Variants in RFNG observed in about 807,000 individuals in gnomAD.
The protein encoded by RFNG is RFNG O-fucosylpeptide 3-beta-N-acetylglucosaminyltransferase.
Under a neutral mutation model 29.6 loss-of-function variants are expected in RFNG, and 37 were observed. That is an observed-to-expected ratio of 1.25 (90% CI 0.96 to 1.65). RFNG has a LOEUF of 1.65. RFNG is among the 40% of genes most tolerant of loss of function. The pLI is 0.00. For synonymous variants in RFNG, 276 were observed against 197.3 expected, an observed-to-expected ratio of 1.40 and a Z score of -3.34; for missense variants, 546 against 457.0, an observed-to-expected ratio of 1.19 and a Z score of -1.78.
chr17:82,050,149 C>G lies in RFNG; in HGVS notation c.574-143G>C, dbSNP rs944370974. The G allele has an allele frequency of 8.4e-6, 7 of 828,768 alleles. No homozygotes were observed. The African/African-American group carries it at 1.2e-4, about 14-fold the overall frequency. 51.3% of individuals were successfully genotyped at this position (828,768 alleles called of 1,614,324 possible). ...AGAAGCTTCTTGGAGCAAAAAGAGC[C>G]GGGGGCTTCTGCAGGCCATTGACCC... On this transcript the variant is annotated intron_variant, in intron 4 of 7. Transcript: ENST00000310496.
chr17:82,048,741 G>C lies in RFNG; in HGVS notation c.981C>G (p.Ala327=). 1.2e-6 allele frequency: 2 copies of C among 1,613,062 alleles called. No homozygotes were observed. Among genetic ancestry groups the C allele is most frequent in the Non-Finnish European group, 1.7e-6 (2 of 1,179,844 alleles). Residue 327 remains alanine, a synonymous_variant, in exon 8 of 8, where the codon GCC becomes GCG. Coordinates refer to ENST00000310496, the MANE Select transcript of RFNG (RefSeq NM_002917.2). ...GTGGTTGGTGTCACCGAGAGGTCGG[G>C]GCGCCCTGTTTCTGCCTGGGACACC... is the stretch of plus-strand genomic sequence containing the variant. ...TDWCPRQKQG[A]PTSR
intron 2 of RFNG, 21 bp from the exon 3 acceptor site, chr17:82,050,785 G>A (rs1433183372): frequency 3.7e-6 from 6 of 1,609,818 alleles, no homozygotes; most frequent in South Asian, 1.1e-5. Flanking sequence ...GAGACGGGAA[G>A]CACGCACGTA....
At chr17:82,048,876 G>T in intron 7 of RFNG, 69 bp from the exon 8 acceptor site, 1 of 1,498,006 alleles carries the variant, frequency 6.7e-7, no homozygotes. Context: ...GCCGTGGGCG[G>T]CGGGAGAACC....
chr17:82,048,931 G>T lies in RFNG; in HGVS notation c.914+100C>A. On this transcript the variant is annotated intron_variant, in intron 7 of 7. Transcript: ENST00000310496. ...ACAGGGAGAAGCCGGGGTCAGGGCC[G>T]TGGGCGGAGGGAGCAGCGGGGGTCA... is the stretch of plus-strand genomic sequence containing the variant. The T allele has an allele frequency of 2.8e-6, 4 of 1,450,042 alleles. No individual in the cohort carries two copies. In the South Asian group the frequency reaches 3.5e-5, roughly 13 times the overall value. 89.8% of individuals were successfully genotyped at this position (1,450,042 alleles called of 1,614,324 possible). A position where few individuals can be genotyped will look rare whatever the true frequency, so the allele number is the denominator to read the frequency against.
chr17:82,050,307 C>T (rs2030289293), intron 4 of RFNG, 95 bp downstream of exon 4: 4 of 1,402,096 alleles, frequency 2.9e-6, no homozygotes, highest in African/African-American at 1.4e-5. Flanking sequence ...CAACCCTATG[C>T]CCTTCTCAAG....
chr17:82,051,390 G>C lies in RFNG; in HGVS notation c.268-48C>G. 4 of 1,429,470 alleles carry C rather than the reference G, an allele frequency of 2.8e-6. No homozygotes were observed. The highest frequency in any genetic ancestry group is 1.6e-5 in the South Asian group (1 of 61,146). The allele number at this position is 1,429,470 out of a possible 1,614,324, so 88.5% of individuals were successfully genotyped here. A position where few individuals can be genotyped will look rare whatever the true frequency, so the allele number is the denominator to read the frequency against. On this transcript the variant is annotated intron_variant, in intron 1 of 7. Coordinates refer to ENST00000310496, the MANE Select transcript of RFNG (RefSeq NM_002917.2). The surrounding 1 kb of genome is among the most constrained non-coding windows in gnomAD (Gnocchi z 4.1). ...GGCTTCTGGGGCGCTGCCCAGGCCG[G>C]AGACCGACCCGCCCCGCGCGGAGCC... is the stretch of plus-strand genomic sequence containing the variant.
At position 82,048,391 on chromosome 17, in the gene RFNG, C is replaced by A; in HGVS notation, c.*335G>T. Reference sequence around the variant, plus strand: ...CCAGCCTAGCACCCGCCTTCAGCAACAGGTAATGGAGCCCGGATGGCAGCT... The same window carrying A: ...CCAGCCTAGCACCCGCCTTCAGCAAAAGGTAATGGAGCCCGGATGGCAGCT... On this transcript the variant is annotated 3_prime_UTR_variant, in exon 8 of 8. Transcript: ENST00000310496. The A allele has an allele frequency of 3.0e-6, 1 of 338,844 alleles. No homozygotes were observed. Among genetic ancestry groups the A allele is most frequent in the Non-Finnish European group, 5.6e-6 (1 of 177,304 alleles). 21.0% of individuals were successfully genotyped at this position (338,844 alleles called of 1,614,324 possible).
At position 82,051,666 on chromosome 17, in the gene RFNG, G is replaced by T; in HGVS notation, c.101C>A (p.Ala34Asp). Residue 34 changes from alanine (A) to aspartate (D), a missense_variant, in exon 1 of 8, where the codon GCC (alanine) becomes GAC (aspartate). Ala to Asp is a moderately radical substitution (Grantham distance 126). Coordinates refer to ENST00000310496, the MANE Select transcript of RFNG (RefSeq NM_002917.2). The surrounding 1 kb of genome is among the most constrained non-coding windows in gnomAD (Gnocchi z 4.1). ...LLPLPLPRAP[A>D]PARTPAPAPR... ...GGCCGGGGCGGGGGTCCGGGCCGGG[G>T]CGGGCGCGCGGGGCAGCGGCAGCGG... is the stretch of plus-strand genomic sequence containing the variant. The T allele has an allele frequency of 1.0e-6, 1 of 999,004 alleles. No individual in the cohort carries two copies. The highest frequency in any genetic ancestry group is 1.2e-6 in the Non-Finnish European group (1 of 840,182). The allele number at this position is 999,004 out of a possible 1,614,324, so 61.9% of individuals were successfully genotyped here. A position where few individuals can be genotyped will look rare whatever the true frequency, so the allele number is the denominator to read the frequency against.
rs894403506 is a variant in RFNG, at chr17:82,049,509, G to C, written c.828+168C>G. On this transcript the variant is annotated intron_variant, in intron 6 of 7. Transcript: ENST00000310496. The stretch of plus-strand genomic sequence containing the variant: ...GACACCATACCCCATCTGTACGTGA[G>C]GACCCTGTGTCCAACAGGCCAAGGG... 8 of 798,436 alleles carry C rather than the reference G, an allele frequency of 1.0e-5. No individual in the cohort carries two copies. In the East Asian group the frequency reaches 2.1e-4, roughly 21 times the overall value. The allele number at this position is 798,436 out of a possible 1,614,324, so 49.5% of individuals were successfully genotyped here.
chr17:82,049,687 A>G lies in RFNG; in HGVS notation c.818T>C (p.Leu273Pro). Residue 273 changes from leucine to proline, a missense_variant, in exon 6 of 8, where the codon CTG becomes CCG. Leu to Pro is a moderately conservative substitution (Grantham distance 98). Coordinates refer to ENST00000310496, the MANE Select transcript of RFNG (RefSeq NM_002917.2). ...ENLQRLPPDT[L>P]LQQVTLSHGG... ...GAGTGGCGCCTGTACCTGCTGGAGC[A>G]GGGTGTCGGGCGGCAGCCTCTGCAG... The G allele has an allele frequency of 6.8e-7, 1 of 1,471,916 alleles. No individual in the cohort carries two copies. The highest frequency in any genetic ancestry group is 9.0e-7 in the Non-Finnish European group (1 of 1,111,388). 91.2% of individuals were successfully genotyped at this position (1,471,916 alleles called of 1,614,324 possible). A position where few individuals can be genotyped will look rare whatever the true frequency, so the allele number is the denominator to read the frequency against.
chr17:82,048,668 G>C lies in RFNG; in HGVS notation c.*58C>G, dbSNP rs1568027828. The C allele has an allele frequency of 2.3e-5, 33 of 1,416,550 alleles. No homozygotes were observed. The highest frequency in any genetic ancestry group is 3.3e-5 in the Non-Finnish European group (33 of 1,008,202). 87.7% of individuals were successfully genotyped at this position (1,416,550 alleles called of 1,614,324 possible). A position where few individuals can be genotyped will look rare whatever the true frequency, so the allele number is the denominator to read the frequency against. On this transcript the variant is annotated 3_prime_UTR_variant, in exon 8 of 8. Coordinates refer to ENST00000310496, the MANE Select transcript of RFNG (RefSeq NM_002917.2). The stretch of plus-strand genomic sequence containing the variant: ...AGGGAGCCCACTGAGCCCATAGGGG[G>C]CTCTGGTTCCCCGCGCCTGGGACAG...
At chr17:82,049,189 C>T (rs1437646143) in intron 6 of RFNG, 73 bp from the exon 7 acceptor site, 1 of 1,291,808 alleles carries the variant, frequency 7.7e-7, no homozygotes. Context: ...TGGCCAGGAG[C>T]CCTGCTAGAG....
At position 82,050,681 on chromosome 17, in the gene RFNG, A is replaced by G; in HGVS notation, c.400T>C (p.Phe134Leu). The G allele has an allele frequency of 1.2e-6, 2 of 1,613,116 alleles. No homozygotes were observed. The highest frequency in any genetic ancestry group is 1.7e-6 in the Non-Finnish European group (2 of 1,179,916). Residue 134 changes from phenylalanine (F) to leucine (L), a missense_variant, in exon 3 of 8, where the codon TTC becomes CTC. By Grantham distance (22) the Phe-to-Leu change is conservative. Transcript: ENST00000310496. ...GCGTACTTGCGCCCGGACTCAATGA[A>G]CTTGTCATACTCCACGGACATCTTG... is the stretch of plus-strand genomic sequence containing the variant. Reference protein sequence around the residue: ...CCKMSVEYDKFIESGRKWFCH... With the variant: ...CCKMSVEYDKLIESGRKWFCH...
intron 7 of RFNG, 23 bp from the exon 8 acceptor site, chr17:82,048,830 T>A: frequency 2.5e-6 from 4 of 1,597,368 alleles, no homozygotes; most frequent in Non-Finnish European, 3.4e-6. Flanking sequence ...GAAGTAGGGG[T>A]CAGGGCCGTG....
In RFNG at chr17:82,049,968, G is replaced by C. The variant is rs775336012; in HGVS notation, c.612C>G (p.Ala204=). The C allele has an allele frequency of 3.1e-6, 5 of 1,612,412 alleles. No homozygotes were observed. The highest frequency in any genetic ancestry group is 4.2e-6 in the Non-Finnish European group (5 of 1,179,692). The part of the protein sequence containing the change: ...TVKFWFATGG[A]GFCLSRGLAL... ...CAAGGCCTCTGCTGAGGCAGAACCC[G>C]GCCCCACCAGTAGCAAACCAGAACT... The change falls in exon 5 of 8, where the codon GCC becomes GCG. Residue 204 remains alanine, a synonymous_variant. Transcript: ENST00000310496.
At chr17:82,049,543 AG>A in intron 6 of RFNG, 133 bp downstream of exon 6, 2 of 1,067,108 alleles carry the variant, frequency 1.9e-6, no homozygotes, top group Non-Finnish European at 2.8e-6. Flanking sequence ...GGGCCTGTCC[AG>A]GGTCCACCCC....
intron 6 of RFNG, chr17:82,049,372 T>TGATG (rs1177096078): frequency 1.4e-6 from 1 of 698,380 alleles, no homozygotes. Flanking sequence ...CTGCTCCACG[T>TGATG]GATGGGACCT....
Position 82,049,743 on chromosome 17 carries a change from G to A in RFNG, c.762C>T (p.His254=). The A allele has an allele frequency of 1.3e-6, 2 of 1,520,042 alleles. No homozygotes were observed. The highest frequency in any genetic ancestry group is 1.8e-6 in the Non-Finnish European group (2 of 1,137,472). 94.2% of individuals were successfully genotyped at this position (1,520,042 alleles called of 1,614,324 possible). A position where few individuals can be genotyped will look rare whatever the true frequency, so the allele number is the denominator to read the frequency against. ...VEGLLGARLL[H]SPLFHSHLEN... The stretch of plus-strand genomic sequence containing the variant: ...CCAGGTGAGAGTGGAAGAGGGGGCT[G>A]TGCAGCAGGCGGGCGCCCAGGAGCC... Residue 254 remains histidine, a synonymous_variant, in exon 6 of 8, where the codon CAC becomes CAT. Transcript: ENST00000310496.
At chr17:82,049,242 G>A (rs769786373) in intron 6 of RFNG, 126 bp from the exon 7 acceptor site, 16 of 785,730 alleles carry the variant, frequency 2.0e-5, no homozygotes, top group Admixed American at 1.8e-4. Context: ...GGGGAGGCCA[G>A]GCTTGGAAAC....
Sources: allele counts gnomAD v4.1 joint callset, GRCh38; gene constraint gnomAD v4.1.1; non-coding constraint Gnocchi (gnomAD v3.1); transcripts MANE v1.5; gene names NCBI Gene and HGNC (gene_info 2026-07-23, HGNC 2026-07-21).